The following CD226 variants were observed in gnomAD, a reference collection of about 807,000 sequenced individuals.
The protein encoded by CD226 is CD226 molecule.
In CD226, 24 loss-of-function variants were observed where a neutral mutation model predicts 34.9. The observed-to-expected ratio is 0.69, with a 90% CI of 0.50 to 0.97. CD226 has a LOEUF of 0.97. Ranked by LOEUF, CD226 falls within the 50% of genes least tolerant of loss-of-function variation. CD226 has a pLI of 0.00. For missense variants in CD226, 397 were observed against 412.7 expected, an observed-to-expected ratio of 0.96 and a Z score of 0.33; for synonymous variants, 148 against 147.4, an observed-to-expected ratio of 1.00 and a Z score of -0.03.
intron 3 of CD226, among the ~76,000 whole-genome samples, chr18:69,892,712 T>C (rs1362025645): frequency 6.6e-6 from 1 of 152,060 alleles, no homozygotes; most frequent in Non-Finnish European, 1.5e-5. Context: ...TGTCTGAAGA[T>C]GAATGCAGGC....
At chr18:69,933,520 C>G (rs1245843227) in intron 2 of CD226, among the ~76,000 whole-genome samples, 1 of 152,212 alleles carries the variant, frequency 6.6e-6, no homozygotes, top group African/African-American at 2.4e-5. Flanking sequence ...CTCCCCAAAC[C>G]TTGCTTTAAG....
At chr18:69,936,167 T>G (rs1402530434) in intron 2 of CD226, among the ~76,000 whole-genome samples, 1 of 152,210 alleles carries the variant, frequency 6.6e-6, no homozygotes, top group African/African-American at 2.4e-5. Context: ...CATTCGATTA[T>G]TGAATTCAAT....
intron 1 of CD226, among the ~76,000 whole-genome samples, chr18:69,953,191 C>G (rs1599037872): frequency 6.6e-6 from 1 of 152,218 alleles, no homozygotes; most frequent in South Asian, 2.1e-4. Flanking sequence ...AACAGGATTA[C>G]TGTATGACCC....
intron 2 of CD226, among the ~76,000 whole-genome samples, chr18:69,933,973 C>G (rs2055619850): frequency 6.6e-6 from 1 of 152,122 alleles, no homozygotes. Context: ...CTTTATTTCA[C>G]TTAAATGAGC....
chr18:69,866,280 A>C (rs920844685), intron 5 of CD226, among the ~76,000 whole-genome samples: 1 of 152,218 alleles, frequency 6.6e-6, no homozygotes, highest in East Asian at 1.9e-4. Flanking sequence ...ATCCATAGCA[A>C]CTTTTTTTGT....
At chr18:69,870,844 C>T (rs796547137) in intron 4 of CD226, among the ~76,000 whole-genome samples, 1 of 152,172 alleles carries the variant, frequency 6.6e-6, no homozygotes, top group Non-Finnish European at 1.5e-5. Flanking sequence ...AAACGGAGTT[C>T]AGAAGGTCAT....
chr18:69,932,802 G>A (rs1253258334), intron 2 of CD226, among the ~76,000 whole-genome samples: 1 of 151,914 alleles, frequency 6.6e-6, no homozygotes, highest in Non-Finnish European at 1.5e-5. Context: ...CACATACACT[G>A]TCACGACCCA....
rs1335692175 is a variant in CD226 at position 69,857,746 on chromosome 18, A to C, written c.*6568T>G. ...TGGTATTTTAAACTCATGAGAACTT[A>C]GTCTAGAAAGGGCCTCCACTTATTT... is the stretch of plus-strand genomic sequence containing the variant. On this transcript the variant is annotated 3_prime_UTR_variant, in exon 6 of 6. Transcript: ENST00000582621. 2.0e-5 allele frequency: 3 copies of C among 152,226 alleles called. No individual in the cohort carries two copies. The highest frequency in any genetic ancestry group is 7.2e-5 in the African/African-American group (3 of 41,478). 9.4% of individuals were successfully genotyped at this position (152,226 alleles called of 1,614,324 possible).
chr18:69,939,973 C>T (rs1158265107), intron 2 of CD226, among the ~76,000 whole-genome samples: 1 of 152,218 alleles, frequency 6.6e-6, no homozygotes, highest in Non-Finnish European at 1.5e-5. Context: ...CAAATCTCAT[C>T]TTGAGTTGTA....
upstream of CD226, among the ~76,000 whole-genome samples, chr18:69,959,980 T>A (rs1309772670): frequency 3.3e-5 from 5 of 152,032 alleles, no homozygotes; most frequent in African/African-American, 1.2e-4. Context: ...GGCACGGTGG[T>A]TCACACCTGT....
intron 2 of CD226, among the ~76,000 whole-genome samples, chr18:69,900,596 G>GATCA (rs1568180545): frequency 2.0e-5 from 3 of 151,048 alleles, no homozygotes; most frequent in Non-Finnish European, 4.4e-5. Flanking sequence ...GCCGGGCGCG[G>GATCA]TGGCGGGCGC....
At chr18:69,912,254 C>A (rs1190304196) in intron 2 of CD226, among the ~76,000 whole-genome samples, 1 of 152,164 alleles carries the variant, frequency 6.6e-6, no homozygotes, top group Admixed American at 6.5e-5. Flanking sequence ...GGGCTTCATG[C>A]CTAAAACACC....
chr18:69,872,264 T>C (rs1173890993), intron 4 of CD226, among the ~76,000 whole-genome samples: 1 of 152,068 alleles, frequency 6.6e-6, no homozygotes, highest in South Asian at 2.1e-4. Context: ...TTATAAGGAA[T>C]AATTTCAACC....
intron 2 of CD226, among the ~76,000 whole-genome samples, chr18:69,909,581 G>C (rs961574865): frequency 1.3e-5 from 2 of 152,188 alleles, no homozygotes; most frequent in African/African-American, 4.8e-5. Context: ...TAAAAAACCA[G>C]TGTGAGTACA....
At chr18:69,943,155 A>C (rs141848227) in intron 2 of CD226, among the ~76,000 whole-genome samples, 1 of 152,344 alleles carries the variant, frequency 6.6e-6, no homozygotes, top group Non-Finnish European at 1.5e-5. Flanking sequence ...AGTGCTTCAT[A>C]AGGATTAAAT....
chr18:69,918,710 G>A (rs1278477967), intron 2 of CD226, among the ~76,000 whole-genome samples: 1 of 152,146 alleles, frequency 6.6e-6, no homozygotes, highest in East Asian at 1.9e-4. Context: ...CTCTGTGCAG[G>A]GACACAGTAG....
upstream of CD226, among the ~76,000 whole-genome samples, chr18:69,959,749 C>T (rs181777613): frequency 3.9e-5 from 6 of 152,138 alleles, no homozygotes; most frequent in East Asian, 1.2e-3. Context: ...AATGGGGAAC[C>T]CTATGATGAA....
At position 69,921,189 on chromosome 18, in the gene CD226, C is replaced by T. The variant is rs545773346; in HGVS notation, c.383-25144G>A. Among the ~76,000 whole-genome samples, 10 of 152,236 alleles carry T rather than the reference C, an allele frequency of 6.6e-5. No homozygotes were observed. The South Asian group carries it at 1.7e-3, about 25-fold the overall frequency. Reference sequence around the variant, plus strand: ...ATGCAAGTATAATCTCTCTCTAAGCCTCCTTCTCTCTGCCCTCACCTCTCA... The same window carrying T: ...ATGCAAGTATAATCTCTCTCTAAGCTTCCTTCTCTCTGCCCTCACCTCTCA... On this transcript the variant is annotated intron_variant, in intron 2 of 5. Transcript: ENST00000582621.
In CD226 at chr18:69,864,275, A is replaced by T; in HGVS notation, c.*39T>A. The T allele has an allele frequency of 1.2e-6, 2 of 1,609,016 alleles. No homozygotes were observed. Among genetic ancestry groups the T allele is most frequent in the Non-Finnish European group, 1.7e-6 (2 of 1,175,870 alleles). Reference sequence around the variant, plus strand: ...TGCATAAAGATCCATGCATGAGTACATAAGAGTCATTACTAATGCACTCAT... The same window carrying T: ...TGCATAAAGATCCATGCATGAGTACTTAAGAGTCATTACTAATGCACTCAT... On this transcript the variant is annotated 3_prime_UTR_variant, in exon 6 of 6. Transcript: ENST00000582621.
Sources: gnomAD v4.1 joint callset for allele counts (sites outside exome capture counted in the v4.1 genomes callset) on GRCh38, gnomAD v4.1.1 for gene constraint, MANE v1.5 for transcripts, NCBI Gene and HGNC (gene_info 2026-07-23, HGNC 2026-07-21) for gene names.